KIAA0825: variants seen among roughly 807,000 people sequenced by gnomAD.
KIAA0825 encodes the protein KIAA0825, also known as uncharacterized protein KIAA0825.
Under a neutral mutation model 147.6 loss-of-function variants are expected in KIAA0825, and 119 were observed. That is an observed-to-expected ratio of 0.81 (90% CI 0.69 to 0.94). KIAA0825 has a LOEUF of 0.94. KIAA0825 is among the 40% of genes least tolerant of loss of function. KIAA0825 has a pLI of 0.00. For missense variants in KIAA0825, 1,381 were observed against 1,472.7 expected (o/e 0.94, Z 1.02); for synonymous variants, 470 against 518.1 (o/e 0.91, Z 1.26).
At chr5:94,186,300 T>C (rs1471923050) in intron 20 of KIAA0825, among the ~76,000 whole-genome samples, 1 of 152,196 alleles carries the variant, frequency 6.6e-6, no homozygotes, top group Non-Finnish European at 1.5e-5. Context: ...TAATCTTTAA[T>C]GGTTAGGATT....
chr5:94,171,938 A>T (rs1267981536), intron 20 of KIAA0825, among the ~76,000 whole-genome samples: 1 of 152,176 alleles, frequency 6.6e-6, no homozygotes, highest in Non-Finnish European at 1.5e-5. Flanking sequence ...GCAGAGAAAA[A>T]AACAAAAAAG....
At chr5:94,483,642 C>A (rs974164973) in intron 6 of KIAA0825, among the ~76,000 whole-genome samples, 19 of 151,038 alleles carry the variant, frequency 1.3e-4, no homozygotes, top group Admixed American at 7.9e-4. Context: ...ATTTTTTCTT[C>A]AAATTCTCTC....
intron 20 of KIAA0825, among the ~76,000 whole-genome samples, chr5:94,262,681 A>C (rs1287073220): frequency 1.3e-5 from 2 of 152,192 alleles, no homozygotes; most frequent in Non-Finnish European, 2.9e-5. Context: ...GTAAGACAAC[A>C]GTTCGTTCGA....
intron 20 of KIAA0825, among the ~76,000 whole-genome samples, chr5:94,199,470 C>T (rs1771456514): frequency 6.6e-6 from 1 of 152,114 alleles, no homozygotes; most frequent in South Asian, 2.1e-4. Flanking sequence ...GGACTGCCAG[C>T]AAAAGTGCTC....
At chr5:94,563,812 G>A (rs780344707) in intron 2 of KIAA0825, among the ~76,000 whole-genome samples, 1 of 152,074 alleles carries the variant, frequency 6.6e-6, no homozygotes, top group Non-Finnish European at 1.5e-5. Flanking sequence ...TGCCTCCTGA[G>A]TAGCTGGGAT....
At position 94,403,615 on chromosome 5, in the gene KIAA0825, T is replaced by C; in HGVS notation, c.2841A>G (p.Glu947=). The change falls in exon 16 of 21, where the codon GAA becomes GAG. Residue 947 remains glutamate, a synonymous_variant. Transcript: ENST00000682413. ...TAGTTTCTTTTGGACTATAATTCCA[T>C]TCCTTTGGCATGCTCTCAAGCAAAC... The part of the protein sequence containing the change: ...PDCLLESMPK[E]WNYSPKETNR... 1 of 1,551,590 alleles carries C rather than the reference T, an allele frequency of 6.4e-7. No individual in the cohort carries two copies. Among genetic ancestry groups the C allele is most frequent in the Non-Finnish European group, 8.7e-7 (1 of 1,146,906 alleles).
intron 5 of KIAA0825, 67 bp from the exon 6 acceptor site, chr5:94,484,997 CTGTG>C (rs1762885440): frequency 9.1e-7 from 1 of 1,096,218 alleles, no homozygotes; most frequent in African/African-American, 1.6e-5. Flanking sequence ...TTAGAATGAT[CTGTG>C]TGATTCCATA....
intron 19 of KIAA0825, among the ~76,000 whole-genome samples, chr5:94,385,233 A>G (rs1410353542): frequency 6.6e-6 from 1 of 152,204 alleles, no homozygotes; most frequent in African/African-American, 2.4e-5. Flanking sequence ...GCTCCTTAAA[A>G]TGAAATAGTT....
chr5:94,217,931 G>A (rs1391632573), intron 20 of KIAA0825, among the ~76,000 whole-genome samples: 26 of 152,054 alleles, frequency 1.7e-4, no homozygotes, highest in Non-Finnish European at 1.0e-4. Flanking sequence ...TGGGTATGTT[G>A]CCCAATAGTA....
intron 20 of KIAA0825, among the ~76,000 whole-genome samples, chr5:94,383,303 T>A (rs1396754480): frequency 1.3e-5 from 2 of 152,220 alleles, no homozygotes; most frequent in African/African-American, 4.8e-5. Context: ...ACATCTAAGC[T>A]ATAGCTTTTA....
intron 20 of KIAA0825, among the ~76,000 whole-genome samples, chr5:94,229,414 G>C (rs765087254): frequency 6.6e-6 from 1 of 151,414 alleles, no homozygotes; most frequent in Non-Finnish European, 1.5e-5. Context: ...TATAATGTTC[G>C]TGATGATGTA....
intron 5 of KIAA0825, among the ~76,000 whole-genome samples, chr5:94,500,884 T>A (rs1584698852): frequency 6.6e-6 from 1 of 152,244 alleles, no homozygotes; most frequent in East Asian, 1.9e-4. Context: ...TTCAAGCAAT[T>A]CCCCTGCCTC....
At chr5:94,362,279 T>C (rs1041261886) in intron 20 of KIAA0825, among the ~76,000 whole-genome samples, 1 of 152,206 alleles carries the variant, frequency 6.6e-6, no homozygotes, top group Admixed American at 6.5e-5. Context: ...TAGGCCTAAA[T>C]AGAACAGGTG....
At chr5:94,460,450 C>T (rs993601011) in intron 12 of KIAA0825, among the ~76,000 whole-genome samples, 2 of 152,046 alleles carry the variant, frequency 1.3e-5, no homozygotes, top group African/African-American at 4.8e-5. Context: ...AAGGAAAACA[C>T]GTTCAGTTTA....
At chr5:94,231,151 A>G (rs1377689308) in intron 20 of KIAA0825, among the ~76,000 whole-genome samples, 4 of 152,198 alleles carry the variant, frequency 2.6e-5, no homozygotes, top group Non-Finnish European at 5.9e-5. Flanking sequence ...GAAAGACTGC[A>G]TAATTTTTAT....
chr5:94,466,271 A>G (rs949823652), intron 10 of KIAA0825, among the ~76,000 whole-genome samples: 2 of 152,122 alleles, frequency 1.3e-5, no homozygotes, highest in Non-Finnish European at 2.9e-5. Context: ...AACGATAATA[A>G]TTTATAGTTA....
At chr5:94,590,432 C>T (rs758093086) in intron 1 of KIAA0825, among the ~76,000 whole-genome samples, 10 of 152,072 alleles carry the variant, frequency 6.6e-5, no homozygotes, top group South Asian at 4.1e-4. Flanking sequence ...GAAATGGACA[C>T]GAACTCTCAA....
rs1377799414 is a variant in KIAA0825 at position 94,151,007 on chromosome 5, A to G, written c.*3000T>C. On this transcript the variant is annotated 3_prime_UTR_variant, in exon 21 of 21. Coordinates refer to ENST00000682413, the MANE Select transcript of KIAA0825 (RefSeq NM_001145678.3). ...AAGGAAGATCATACTTTATAGGAAGATAATATTTTTGTAATAAGCATATGG... is the reference window on the plus strand; with the variant it reads ...AAGGAAGATCATACTTTATAGGAAGGTAATATTTTTGTAATAAGCATATGG... 1.3e-5 allele frequency among the ~76,000 whole-genome samples: 2 copies of G among 152,226 alleles called. No individual in the cohort carries two copies. Among genetic ancestry groups the G allele is most frequent in the Non-Finnish European group, 2.9e-5 (2 of 68,050 alleles).
chr5:94,608,952 G>T (rs575902200), intron 1 of KIAA0825, among the ~76,000 whole-genome samples: 1 of 152,122 alleles, frequency 6.6e-6, no homozygotes, highest in Non-Finnish European at 1.5e-5. Context: ...CAAAAGGCTG[G>T]TATATTATGT....
Sources: gnomAD v4.1 joint callset for allele counts (sites outside exome capture counted in the v4.1 genomes callset) on GRCh38, gnomAD v4.1.1 for gene constraint, MANE v1.5 for transcripts, NCBI Gene and HGNC (gene_info 2026-07-23, HGNC 2026-07-21) for gene names.